RUBCNL: variants seen among roughly 807,000 people sequenced by gnomAD.
RUBCNL encodes rubicon like autophagy enhancer.
A neutral mutation model predicts 69.5 loss-of-function variants in RUBCNL; 62 were observed. The ratio of observed to expected loss-of-function variants is 0.89; its 90% CI spans 0.73 to 1.10. RUBCNL has a LOEUF of 1.10. Among genes scored for constraint, RUBCNL ranks in the 50% least tolerant of loss-of-function variants. The pLI is 0.00. For missense variants in RUBCNL, 768 were observed against 798.1 expected (o/e 0.96, Z 0.45); for synonymous variants, 291 against 303.6 (o/e 0.96, Z 0.43).
chr13:46,345,308 C>T, intron 13 of RUBCNL, 139 bp downstream of exon 13: 1 of 1,031,990 alleles, frequency 9.7e-7, no homozygotes, highest in East Asian at 2.6e-5. Flanking sequence ...CTTCACAGCT[C>T]TGACCTCAGT....
At position 46,349,346 on chromosome 13, in the gene RUBCNL, T is replaced by G. The variant is rs980779800; in HGVS notation, c.1571A>C (p.Glu524Ala). Residue 524 changes from glutamate (E) to alanine (A), a missense_variant and splice_region_variant, in exon 12 of 15, where the codon GAA becomes GCA. By Grantham distance (107) the Glu-to-Ala change is moderately radical (BLOSUM62 -1). Transcript: ENST00000429979. The stretch of plus-strand genomic sequence containing the variant: ...GATATGGAAGAGCTGCTCCTGAATT[T>G]CCTAATGGGAGAAACCAAACACGGG... Reference protein sequence around the residue: ...AKAKELDRVKEIQEQLFHIKK... With the variant: ...AKAKELDRVKAIQEQLFHIKK... 3.7e-5 allele frequency: 60 copies of G among 1,613,532 alleles called. No individual in the cohort carries two copies. Among genetic ancestry groups the G allele is most frequent in the Non-Finnish European group, 4.7e-5 (55 of 1,179,656 alleles).
At chr13:46,355,471 T>G (rs1002855892) in intron 10 of RUBCNL, among the ~76,000 whole-genome samples, 4 of 152,112 alleles carry the variant, frequency 2.6e-5, no homozygotes, top group African/African-American at 7.2e-5. Context: ...AATTTTTTTG[T>G]ATTTTTAGTA....
intron 6 of RUBCNL, 27 bp downstream of exon 6, chr13:46,363,088 C>T (rs1202718482): frequency 1.4e-6 from 2 of 1,452,540 alleles, no homozygotes; most frequent in East Asian, 4.7e-5. Flanking sequence ...GGCAGCCAGT[C>T]ACATCCAAAC....
rs374576002 is a variant in RUBCNL, at chr13:46,349,357, G to A, written c.1570-10C>T. 1.7e-4 allele frequency: 280 copies of A among 1,612,492 alleles called. No individual in the cohort carries two copies. The highest frequency in any genetic ancestry group is 2.2e-4 in the Non-Finnish European group (265 of 1,178,756). Reference sequence around the variant, plus strand: ...GCTGCTCCTGAATTTCCTAATGGGAGAAACCAAACACGGGGAAAAGTTAAA... The same window carrying A: ...GCTGCTCCTGAATTTCCTAATGGGAAAAACCAAACACGGGGAAAAGTTAAA... On this transcript the variant is annotated splice_polypyrimidine_tract_variant and intron_variant, in intron 11 of 14. Transcript: ENST00000429979.
chr13:46,373,411 A>T (rs2048921589), intron 2 of RUBCNL, among the ~76,000 whole-genome samples: 1 of 152,216 alleles, frequency 6.6e-6, no homozygotes, highest in African/African-American at 2.4e-5. Context: ...TCATACTTAT[A>T]ATATCAGTAT....
chr13:46,371,868 AG>A (rs1441842219), intron 3 of RUBCNL, 72 bp downstream of exon 3: 6 of 1,473,534 alleles, frequency 4.1e-6, no homozygotes, highest in Non-Finnish European at 5.6e-6. Flanking sequence ...GAAGACAACA[AG>A]GCAGGCTTTA....
At position 46,335,549 on chromosome 13, in the gene RUBCNL, T is replaced by C. The variant is rs371294147; in HGVS notation, c.*7836A>G. On this transcript the variant is annotated 3_prime_UTR_variant, in exon 15 of 15. Coordinates refer to ENST00000429979, the MANE Select transcript of RUBCNL (RefSeq NM_025113.5). ...AGGAGATAGGAGGTTTTTAATTAGG[T>C]TGAACCACACATGAAATTGCCACTT... is the stretch of plus-strand genomic sequence containing the variant. 6.6e-5 allele frequency among the ~76,000 whole-genome samples: 10 copies of C among 152,158 alleles called. No homozygotes were observed. The East Asian group carries it at 1.5e-3, about 23-fold the overall frequency.
At chr13:46,371,883 C>A in intron 3 of RUBCNL, 58 bp downstream of exon 3, 4 of 1,543,558 alleles carry the variant, frequency 2.6e-6, no homozygotes, top group South Asian at 2.4e-5. Context: ...GGCTTTAGAG[C>A]AAGGCGAAGC....
intron 10 of RUBCNL, among the ~76,000 whole-genome samples, chr13:46,354,571 C>A (rs191919891): frequency 1.3e-5 from 2 of 152,284 alleles, no homozygotes; most frequent in East Asian, 3.9e-4. Flanking sequence ...TACTCTCTGG[C>A]CACACAGGGT....
rs1300982850 is a variant in RUBCNL at position 46,378,366 on chromosome 13, GAA to G, written c.-238-363_-238-362del. 4 of 155,630 alleles carry G rather than the reference GAA, an allele frequency of 2.6e-5. No homozygotes were observed. The Admixed American group carries it at 2.6e-4, about 10-fold the overall frequency. The allele number at this position is 155,630 out of a possible 1,614,324, so 9.6% of individuals were successfully genotyped here. A position where few individuals can be genotyped will look rare whatever the true frequency, so the allele number is the denominator to read the frequency against. On this transcript the variant is annotated intron_variant, in intron 1 of 14. Coordinates refer to ENST00000429979, the MANE Select transcript of RUBCNL (RefSeq NM_025113.5). ...GCCACTGTCACAAAGGGGGTCCTTT[GAA>G]TCAGAGATACTTAGGTACAAACAAT...
intron 12 of RUBCNL, among the ~76,000 whole-genome samples, chr13:46,347,787 C>T (rs1331333708): frequency 3.9e-5 from 6 of 152,054 alleles, no homozygotes; most frequent in Non-Finnish European, 5.9e-5. Flanking sequence ...GTCAGGAGAT[C>T]GAGACCATCC....
intron 3 of RUBCNL, among the ~76,000 whole-genome samples, chr13:46,369,044 C>T (rs1001975923): frequency 6.6e-6 from 1 of 152,048 alleles, no homozygotes; most frequent in Non-Finnish European, 1.5e-5. Context: ...TGGGAGGTAT[C>T]CTCAGCCACC....
In RUBCNL at chr13:46,335,260, GTTTTTTT is replaced by G. The variant is rs764458781; in HGVS notation, c.*8118_*8124del. 4.4e-4 allele frequency among the ~76,000 whole-genome samples: 45 copies of G among 101,904 alleles called. No homozygotes were observed. In the South Asian group the frequency reaches 0.012, roughly 27 times the overall value. The allele number at this position is 101,904 out of a possible 152,430, so 66.9% of individuals were successfully genotyped here. ...GTGTCTTTTTGTTGTTGTTGTTGTT[GTTTTTTT>G]TTTTTTTTTTTTTTTTTTAAGAGAC... On this transcript the variant is annotated 3_prime_UTR_variant, in exon 15 of 15. Transcript: ENST00000429979.
At chr13:46,345,919 G>C (rs1260145779) in intron 12 of RUBCNL, among the ~76,000 whole-genome samples, 1 of 152,194 alleles carries the variant, frequency 6.6e-6, no homozygotes, top group African/African-American at 2.4e-5. Context: ...AGGTCTTAAA[G>C]AATGTGAACC....
At chr13:46,380,148 G>T (rs1343776735) in intron 1 of RUBCNL, among the ~76,000 whole-genome samples, 1 of 152,200 alleles carries the variant, frequency 6.6e-6, no homozygotes, top group East Asian at 1.9e-4. Flanking sequence ...TTGAAGGTTT[G>T]CTGTCAGAAG....
intron 1 of RUBCNL, among the ~76,000 whole-genome samples, chr13:46,385,648 T>A (rs2049223099): frequency 1.4e-5 from 2 of 147,228 alleles, no homozygotes; most frequent in African/African-American, 2.5e-5. Context: ...GTTTTTTACT[T>A]ATCCTCTAAA....
intron 9 of RUBCNL, among the ~76,000 whole-genome samples, chr13:46,358,242 G>A (rs893230048): frequency 2.6e-5 from 4 of 152,184 alleles, no homozygotes; most frequent in African/African-American, 9.7e-5. Flanking sequence ...GCACCTCCGT[G>A]GGGCAGAGTC....
rs978793024 is a variant in RUBCNL, at chr13:46,338,154, G to C, written c.*5231C>G. Among the ~76,000 whole-genome samples, 3 of 152,200 alleles carry C rather than the reference G, an allele frequency of 2.0e-5. No individual in the cohort carries two copies. The highest frequency in any genetic ancestry group is 7.2e-5 in the African/African-American group (3 of 41,444). ...CACCACTCCCATCTGCAGAGCCCAT[G>C]CAAGAGTACAAATACAGGTCCACAT... On this transcript the variant is annotated 3_prime_UTR_variant, in exon 15 of 15. Coordinates refer to ENST00000429979, the MANE Select transcript of RUBCNL (RefSeq NM_025113.5).
chr13:46,368,610 C>A, intron 4 of RUBCNL, 123 bp downstream of exon 4: 1 of 1,306,262 alleles, frequency 7.7e-7, no homozygotes, highest in Non-Finnish European at 1.0e-6. Flanking sequence ...CTCCATCAAT[C>A]AAATGCTGAA....
Sources: gnomAD v4.1 joint callset for allele counts (sites outside exome capture counted in the v4.1 genomes callset) on GRCh38, gnomAD v4.1.1 for gene constraint, MANE v1.5 for transcripts, NCBI Gene and HGNC (gene_info 2026-07-23, HGNC 2026-07-21) for gene names.